C3orf49: variants seen among roughly 807,000 people sequenced by gnomAD.
C3orf49 encodes putative uncharacterized protein C3orf49.
Under a neutral mutation model 13.3 loss-of-function variants are expected in C3orf49, and 27 were observed. The ratio of observed to expected loss-of-function variants is 2.02; its 90% CI spans 1.49 to 2.79. The LOEUF (loss-of-function observed/expected upper bound fraction) is 2.79, where lower values mean the gene tolerates loss of function less well. Among genes scored for constraint, C3orf49 ranks in the 30% most tolerant of loss-of-function variants. The pLI is 0.00. For synonymous variants in C3orf49, 87 were observed against 47.6 expected (o/e 1.83, Z -3.40); for missense variants, 242 against 134.2 (o/e 1.80, Z -3.97).
chr3:63,838,132 T>C, intron 5 of C3orf49: 1 of 1,409,212 alleles, frequency 7.1e-7, no homozygotes, highest in Non-Finnish European at 9.7e-7. Flanking sequence ...TTAAAACGCA[T>C]TTATAAATTA....
At chr3:63,797,936 G>T in the C3orf49 span, among the ~76,000 whole-genome samples, 1 of 152,062 alleles carries the variant, frequency 6.6e-6, no homozygotes, top group African/African-American at 2.4e-5. Flanking sequence ...AATTACTATG[G>T]AATTTCATCT....
At chr3:63,783,904 A>T in the C3orf49 span, among the ~76,000 whole-genome samples, 1 of 152,044 alleles carries the variant, frequency 6.6e-6, no homozygotes, top group Non-Finnish European at 1.5e-5. Flanking sequence ...AGCCTTTCTA[A>T]CACTTTCATC....
intron 6 of C3orf49, among the ~76,000 whole-genome samples, chr3:63,846,398 T>C (rs1701896154): frequency 6.6e-6 from 1 of 152,006 alleles, no homozygotes; most frequent in South Asian, 2.1e-4. Flanking sequence ...TACTAGTAAC[T>C]TATTATTTAA....
At chr3:63,833,417 C>A (rs1344529567) in intron 5 of C3orf49, among the ~76,000 whole-genome samples, 1 of 152,068 alleles carries the variant, frequency 6.6e-6, no homozygotes, top group Non-Finnish European at 1.5e-5. Flanking sequence ...ACAATCTTAA[C>A]AAACTATTTA....
the C3orf49 span, among the ~76,000 whole-genome samples, chr3:63,812,808 C>T: frequency 1.6e-4 from 25 of 152,290 alleles, no homozygotes; most frequent in African/African-American, 4.6e-4. Context: ...AAATGTAATT[C>T]ATATTCTTTT....
chr3:63,785,228 T>C, the C3orf49 span, among the ~76,000 whole-genome samples: 1 of 151,722 alleles, frequency 6.6e-6, no homozygotes, highest in Non-Finnish European at 1.5e-5. Flanking sequence ...CCCGCCACCA[T>C]GCCCGGCCAT....
At chr3:63,810,725 C>T in the C3orf49 span, among the ~76,000 whole-genome samples, 2 of 152,150 alleles carry the variant, frequency 1.3e-5, no homozygotes, top group African/African-American at 2.4e-5. Context: ...AGCTGAGAAA[C>T]TTGGGAATAA....
At chr3:63,808,407 G>A in the C3orf49 span, among the ~76,000 whole-genome samples, 1 of 152,166 alleles carries the variant, frequency 6.6e-6, no homozygotes, top group Non-Finnish European at 1.5e-5. Context: ...AATGCTCGAA[G>A]TCACAATGCA....
At chr3:63,799,127 C>G in the C3orf49 span, among the ~76,000 whole-genome samples, 1 of 152,088 alleles carries the variant, frequency 6.6e-6, no homozygotes, top group African/African-American at 2.4e-5. Flanking sequence ...GTGCTGCATT[C>G]AATCCTATAA....
intron 1 of C3orf49, among the ~76,000 whole-genome samples, chr3:63,823,001 TAA>T (rs1701418334): frequency 6.6e-6 from 1 of 152,224 alleles, no homozygotes; most frequent in Non-Finnish European, 1.5e-5. Flanking sequence ...ATGAAGACAA[TAA>T]TATAACCTAC....
At chr3:63,790,676 G>A in the C3orf49 span, among the ~76,000 whole-genome samples, 78 of 149,258 alleles carry the variant, frequency 5.2e-4, no homozygotes, top group African/African-American at 1.9e-3. Flanking sequence ...GAGTAGATCA[G>A]TATTCATCAT....
rs1381633348 is a variant in C3orf49 at position 63,838,595 on chromosome 3, G to C, written c.850-6428G>C. ...ACAAATATTTGCTAATTAAATTATA[G>C]CAAGTTCTGAGAGAATCATTTGCTT... On this transcript the variant is annotated intron_variant, in intron 5 of 6. Transcript: ENST00000295896. 3 of 1,228,082 alleles carry C rather than the reference G, an allele frequency of 2.4e-6. No homozygotes were observed. The African/African-American group carries it at 4.8e-5, about 20-fold the overall frequency. The allele number at this position is 1,228,082 out of a possible 1,614,324, so 76.1% of individuals were successfully genotyped here. A position where few individuals can be genotyped will look rare whatever the true frequency, so the allele number is the denominator to read the frequency against.
At chr3:63,827,395 G>C in intron 2 of C3orf49, 1 of 468,642 alleles carries the variant, frequency 2.1e-6, no homozygotes, top group Non-Finnish European at 3.8e-6. Flanking sequence ...GTCCACTGAG[G>C]TCATGACCAT....
rs1231800364 is a variant in C3orf49 at position 63,823,419 on chromosome 3, A to G, written c.295A>G (p.Arg99Gly). The G allele has an allele frequency of 1.4e-6, 1 of 703,236 alleles. No individual in the cohort carries two copies. Among genetic ancestry groups the G allele is most frequent in the Non-Finnish European group, 2.6e-6 (1 of 385,070 alleles). 43.6% of individuals were successfully genotyped at this position (703,236 alleles called of 1,614,324 possible). Residue 99 changes from arginine to glycine, a missense_variant, in exon 2 of 7, where the codon AGA becomes GGA. By Grantham distance (125) the Arg-to-Gly change is moderately radical. Coordinates refer to ENST00000295896, the MANE Select transcript of C3orf49 (RefSeq NM_001355236.2). ...TGGGAGGATGCTGTCCTACAAGTAT[A>G]GAAGCAAGCCAGCATGTGCCAGCCA... ...AFGRMLSYKY[R>G]SKPACASQEG...
intron 5 of C3orf49, among the ~76,000 whole-genome samples, chr3:63,839,285 C>T (rs1259373362): frequency 6.6e-6 from 1 of 152,114 alleles, no homozygotes; most frequent in African/African-American, 2.4e-5. Flanking sequence ...AAGTTAATGG[C>T]AGAAATCACG....
rs202003417 is a variant in C3orf49 at position 63,835,317 on chromosome 3, C to T, written c.849+3473C>T. The T allele has an allele frequency of 2.5e-4, 404 of 1,613,284 alleles. 1 individual carries two copies. In the Middle Eastern group the frequency reaches 5.1e-3, roughly 20 times the overall value. On this transcript the variant is annotated intron_variant, in intron 5 of 6. Coordinates refer to ENST00000295896, the MANE Select transcript of C3orf49 (RefSeq NM_001355236.2). ...AGATCATGAAGGCTAAATATATATG[C>T]GAATACCTTATCTTCAACACTTTCT...
chr3:63,797,013 A>G, the C3orf49 span, among the ~76,000 whole-genome samples: 1 of 152,088 alleles, frequency 6.6e-6, no homozygotes, highest in Non-Finnish European at 1.5e-5. Context: ...TTTGACCTCA[A>G]TTTAAAATTG....
chr3:63,831,758 G>A lies in C3orf49; in HGVS notation c.763G>A (p.Glu255Lys). 1.4e-6 allele frequency: 1 copy of A among 703,050 alleles called. No homozygotes were observed. Among genetic ancestry groups the A allele is most frequent in the South Asian group, 1.5e-5 (1 of 67,602 alleles). 43.6% of individuals were successfully genotyped at this position (703,050 alleles called of 1,614,324 possible). A position where few individuals can be genotyped will look rare whatever the true frequency, so the allele number is the denominator to read the frequency against. ...AQRHAELQQC[E>K]FLGDEILQSS... ...AAGACATGCTGAGCTTCAACAGTGT[G>A]AGTTTCTGGGGGATGAAATTCTTCA... The change falls in exon 5 of 7, where the codon GAG becomes AAG. Residue 255 changes from glutamate to lysine, a missense_variant. Transcript: ENST00000295896.
upstream of C3orf49, among the ~76,000 whole-genome samples, chr3:63,817,354 A>G (rs1272478351): frequency 6.6e-6 from 1 of 151,938 alleles, no homozygotes; most frequent in East Asian, 1.9e-4. Context: ...TGCATCTCCC[A>G]CAGCATATTA....
Sources: allele counts gnomAD v4.1 joint callset (sites outside exome capture counted in the v4.1 genomes callset), GRCh38; gene constraint gnomAD v4.1.1; transcripts MANE v1.5; gene names NCBI Gene and HGNC (gene_info 2026-07-23, HGNC 2026-07-21).